The following CFAP54 variants were observed in gnomAD, a reference collection of about 807,000 sequenced individuals.
The protein encoded by CFAP54 is cilia and flagella associated protein 54.
A neutral mutation model predicts 370.4 loss-of-function variants in CFAP54; 290 were observed. The ratio of observed to expected loss-of-function variants is 0.78; its 90% CI spans 0.71 to 0.86. The LOEUF (loss-of-function observed/expected upper bound fraction) is 0.86. Among genes scored for constraint, CFAP54 ranks in the 40% least tolerant of loss-of-function variants. The pLI is 0.00. For missense variants in CFAP54, 3,399 were observed against 3,528.7 expected (o/e 0.96, Z 0.93); for synonymous variants, 1,206 against 1,236.5 (o/e 0.98, Z 0.52).
At chr12:96,771,774 A>G (rs1025183413) in intron 60 of CFAP54, among the ~76,000 whole-genome samples, 2 of 152,340 alleles carry the variant, frequency 1.3e-5, no homozygotes, top group Middle Eastern at 3.4e-3. Flanking sequence ...GCCCAGAACC[A>G]GTGAAACCCA....
chr12:96,664,572 C>G (rs1030855368), intron 39 of CFAP54, among the ~76,000 whole-genome samples: 30 of 150,090 alleles, frequency 2.0e-4, no homozygotes, highest in African/African-American at 5.4e-4. Flanking sequence ...TTGCTAATTG[C>G]TCTACATAAT....
intron 63 of CFAP54, among the ~76,000 whole-genome samples, chr12:96,795,085 T>G (rs1333220497): frequency 6.6e-6 from 1 of 152,190 alleles, no homozygotes; most frequent in Admixed American, 6.5e-5. Flanking sequence ...AATCCTGTAA[T>G]ATGATCCACC....
At chr12:96,827,915 AAT>A (rs1209163700) in intron 65 of CFAP54, among the ~76,000 whole-genome samples, 3 of 114,406 alleles carry the variant, frequency 2.6e-5, no homozygotes, top group South Asian at 2.3e-4. Flanking sequence ...AATACATAGT[AAT>A]ATATTATATT....
chr12:96,757,599 A>C lies in CFAP54; in HGVS notation c.8040+11A>C, dbSNP rs1229716983. The stretch of plus-strand genomic sequence containing the variant: ...CCATTAACACTTAAGGTAAGAGTCT[A>C]TTTTATTAGAAATTATGAGTTAATT... On this transcript the variant is annotated intron_variant, in intron 58 of 67. Transcript: ENST00000524981. The C allele has an allele frequency of 6.7e-7, 1 of 1,498,964 alleles. No individual in the cohort carries two copies. The highest frequency in any genetic ancestry group is 9.2e-7 in the Non-Finnish European group (1 of 1,089,848). The allele number at this position is 1,498,964 out of a possible 1,614,324, so 92.9% of individuals were successfully genotyped here.
chr12:96,529,899 A>G (rs1216129278), intron 9 of CFAP54, among the ~76,000 whole-genome samples: 1 of 152,150 alleles, frequency 6.6e-6, no homozygotes, highest in Admixed American at 6.5e-5. Flanking sequence ...AAGAAGTTTC[A>G]GCTACCCCAA....
At chr12:96,701,152 A>G (rs1426719622) in intron 46 of CFAP54, among the ~76,000 whole-genome samples, 4 of 152,140 alleles carry the variant, frequency 2.6e-5, no homozygotes, top group Non-Finnish European at 5.9e-5. Context: ...ATGTATGTAT[A>G]TACATCCATA....
chr12:96,597,272 T>G (rs1330489990), intron 25 of CFAP54, among the ~76,000 whole-genome samples: 1 of 152,034 alleles, frequency 6.6e-6, no homozygotes, highest in East Asian at 1.9e-4. Context: ...TTTGAAATAA[T>G]GTCACTCCTA....
Position 96,714,857 on chromosome 12 carries a change from T to C in CFAP54, c.6725-3586T>C, listed in dbSNP as rs141866162. Among the ~76,000 whole-genome samples, 720 of 152,082 alleles carry C rather than the reference T, an allele frequency of 4.7e-3. 4 individuals are homozygous for C. Among genetic ancestry groups the C allele is most frequent in the African/African-American group, 0.016 (684 of 41,498 alleles). On this transcript the variant is annotated intron_variant, in intron 48 of 67. Transcript: ENST00000524981. Reference sequence around the variant, plus strand: ...CAAATAGAAAGAGGGAAAATAATGATGGTGCAAGGTGTGGAGTGAGGAGAT... The same window carrying C: ...CAAATAGAAAGAGGGAAAATAATGACGGTGCAAGGTGTGGAGTGAGGAGAT...
At chr12:96,777,813 C>A (rs1958535260) in intron 60 of CFAP54, among the ~76,000 whole-genome samples, 1 of 152,162 alleles carries the variant, frequency 6.6e-6, no homozygotes, top group Non-Finnish European at 1.5e-5. Context: ...TGCTTTTGTG[C>A]CATCAATGCC....
chr12:96,528,442 A>C (rs996989501), intron 9 of CFAP54, among the ~76,000 whole-genome samples: 1 of 152,110 alleles, frequency 6.6e-6, no homozygotes, highest in Non-Finnish European at 1.5e-5. Context: ...TCACAAGGTC[A>C]TATTAGCCTC....
At chr12:96,768,990 G>A (rs562448445) in intron 60 of CFAP54, among the ~76,000 whole-genome samples, 70 of 152,158 alleles carry the variant, frequency 4.6e-4, no homozygotes, top group Non-Finnish European at 4.0e-4. Flanking sequence ...GAGAGCAATT[G>A]TATGACATCT....
At chr12:96,527,072 T>C (rs977924129) in intron 8 of CFAP54, among the ~76,000 whole-genome samples, 174 bp from the exon 9 acceptor site, 1 of 151,900 alleles carries the variant, frequency 6.6e-6, no homozygotes, top group Admixed American at 6.6e-5. Context: ...ATTCTGAAAT[T>C]TTTTTGTTGA....
chr12:96,782,532 T>C (rs1365498468), intron 60 of CFAP54, among the ~76,000 whole-genome samples: 3 of 152,104 alleles, frequency 2.0e-5, no homozygotes, highest in Non-Finnish European at 4.4e-5. Context: ...GCTACAAAAA[T>C]ATATAAGACC....
chr12:96,857,183 T>C (rs1440807893), intron 66 of CFAP54, among the ~76,000 whole-genome samples: 1 of 152,090 alleles, frequency 6.6e-6, no homozygotes, highest in African/African-American at 2.4e-5. Context: ...CCGTGACACA[T>C]GGGGATTATG....
intron 60 of CFAP54, among the ~76,000 whole-genome samples, chr12:96,777,393 C>A (rs902123629): frequency 6.6e-6 from 1 of 150,730 alleles, no homozygotes; most frequent in Non-Finnish European, 1.5e-5. Context: ...GTTGCCCAGG[C>A]TGCTGGAGTG....
intron 60 of CFAP54, among the ~76,000 whole-genome samples, chr12:96,777,124 A>G (rs1958524837): frequency 6.6e-6 from 1 of 152,138 alleles, no homozygotes; most frequent in African/African-American, 2.4e-5. Context: ...CTGTTCTTTC[A>G]GTAAAAATGG....
intron 66 of CFAP54, among the ~76,000 whole-genome samples, chr12:96,859,726 C>T (rs1959816923): frequency 1.3e-5 from 2 of 152,142 alleles, no homozygotes; most frequent in Non-Finnish European, 2.9e-5. Flanking sequence ...ACTCTTAACA[C>T]TGTGTAGTTA....
intron 33 of CFAP54, among the ~76,000 whole-genome samples, chr12:96,644,645 C>T (rs988557954): frequency 2.6e-5 from 4 of 152,002 alleles, no homozygotes; most frequent in African/African-American, 7.2e-5. Context: ...GCTCAAGAAA[C>T]GTAATCATGG....
intron 43 of CFAP54, 132 bp from the exon 44 acceptor site, chr12:96,690,996 A>AT: frequency 1.4e-6 from 1 of 715,410 alleles, no homozygotes; most frequent in African/African-American, 1.9e-5. Context: ...GATAAGTACC[A>AT]TTTATTACAA....
Sources: gnomAD v4.1 joint callset for allele counts (sites outside exome capture counted in the v4.1 genomes callset) on GRCh38, gnomAD v4.1.1 for gene constraint, MANE v1.5 for transcripts, NCBI Gene and HGNC (gene_info 2026-07-23, HGNC 2026-07-21) for gene names.